The following FAM81A variants were observed in gnomAD, a reference collection of about 807,000 sequenced individuals.
FAM81A encodes the protein family with sequence similarity 81 member A.
FAM81A carries 19 observed loss-of-function variants against 46.7 expected under a neutral mutation model. The observed-to-expected ratio is 0.41, with a 90% CI of 0.28 to 0.60. FAM81A has a LOEUF of 0.60. Ranked by LOEUF, FAM81A falls within the 20% of genes least tolerant of loss-of-function variation. The probability of loss-of-function intolerance (pLI) is 0.34; values close to 1 mark genes in which losing one functional copy is unlikely to be tolerated. For synonymous variants in FAM81A, 183 were observed against 152.9 expected (o/e 1.20, Z -1.45); for missense variants, 377 against 453.5 (o/e 0.83, Z 1.53).
Position 59,492,332 on chromosome 15 carries a change from A to G in FAM81A, c.356A>G (p.Lys119Arg). 1 of 1,613,902 alleles carries G rather than the reference A, an allele frequency of 6.2e-7. No homozygotes were observed. Among genetic ancestry groups the G allele is most frequent in the Non-Finnish European group, 8.5e-7 (1 of 1,179,862 alleles). ...NISYGTNSAL[K>R]TLEMRQLSGL... ...AGCTATGGAACTAATTCTGCCTTAAAGACCCTGGAGATGCGCCAGCTCTCC... is the reference window on the plus strand; with the variant it reads ...AGCTATGGAACTAATTCTGCCTTAAGGACCCTGGAGATGCGCCAGCTCTCC... The change falls in exon 4 of 9, where the codon AAG (lysine) becomes AGG (arginine). Residue 119 changes from lysine (K) to arginine (R), a missense_variant. Transcript: ENST00000288228.
At chr15:59,467,982 A>ATTGTGTGT in intron 3 of FAM81A, among the ~76,000 whole-genome samples, 1 of 152,054 alleles carries the variant, frequency 6.6e-6, no homozygotes, top group Non-Finnish European at 1.5e-5. Flanking sequence ...GGGTTTTGTC[A>ATTGTGTGT]TTGGTTCTGT....
At position 59,460,234 on chromosome 15, in the gene FAM81A, A is replaced by G. The variant is rs569590279; in HGVS notation, c.294+28A>G. On this transcript the variant is annotated intron_variant, in intron 3 of 8. Coordinates refer to ENST00000288228, the MANE Select transcript of FAM81A (RefSeq NM_152450.3). The surrounding 1 kb of genome is among the most constrained non-coding windows in gnomAD (Gnocchi z 4.4). ...AAGGTTTGTGAAAGTCAGGTGGCCT[A>G]TGTCCCTTTCCACAGAATTGCTCCA... The G allele has an allele frequency of 3.7e-6, 6 of 1,613,918 alleles. No individual in the cohort carries two copies. The highest frequency in any genetic ancestry group is 3.3e-5 in the South Asian group (3 of 91,036).
At position 59,445,423 on chromosome 15, in the gene FAM81A, T is replaced by G. The variant is rs1348375856; in HGVS notation, c.-78+7141T>G. The G allele has an allele frequency of 2.0e-5, 3 of 152,190 alleles. No homozygotes were observed. In the East Asian group the frequency reaches 5.8e-4, roughly 29 times the overall value. The allele number at this position is 152,190 out of a possible 1,614,324, so 9.4% of individuals were successfully genotyped here. Reference sequence around the variant, plus strand: ...CCTGGTGGCTTCAGCTTGCTTTTTGTGTATTTCAGGTTTCTTTTTTCCCCC... The same window carrying G: ...CCTGGTGGCTTCAGCTTGCTTTTTGGGTATTTCAGGTTTCTTTTTTCCCCC... On this transcript the variant is annotated intron_variant, in intron 1 of 8. Coordinates refer to ENST00000288228, the MANE Select transcript of FAM81A (RefSeq NM_152450.3).
intron 2 of FAM81A, among the ~76,000 whole-genome samples, chr15:59,414,954 T>C (rs1366077356): frequency 6.6e-6 from 1 of 151,778 alleles, no homozygotes; most frequent in Non-Finnish European, 1.5e-5. Flanking sequence ...TAGCTGGGAC[T>C]ACAGGCGTCC....
chr15:59,492,352 C>T lies in FAM81A; in HGVS notation c.376C>T (p.Leu126Phe). 1.2e-6 allele frequency: 2 copies of T among 1,613,790 alleles called. No individual in the cohort carries two copies. The highest frequency in any genetic ancestry group is 2.2e-5 in the South Asian group (2 of 90,990). ...SALKTLEMRQLSGLGDLRGRV... is the reference protein window; with the variant it reads ...SALKTLEMRQFSGLGDLRGRV... ...CTTAAAGACCCTGGAGATGCGCCAG[C>T]TCTCCGGTTTGGGAGATCTTCGAGG... Residue 126 changes from leucine (L) to phenylalanine (F), a missense_variant, in exon 4 of 9, where the codon CTC (leucine) becomes TTC (phenylalanine). Coordinates refer to ENST00000288228, the MANE Select transcript of FAM81A (RefSeq NM_152450.3).
At chr15:59,402,089 C>G in intron 1 of FAM81A, 1 of 470,216 alleles carries the variant, frequency 2.1e-6, no homozygotes, top group Non-Finnish European at 3.8e-6. Context: ...CATGAGCTGA[C>G]GCCGTGCAGG....
intron 1 of FAM81A, among the ~76,000 whole-genome samples, chr15:59,445,749 A>G (rs1227257512): frequency 1.3e-5 from 2 of 152,190 alleles, no homozygotes; most frequent in Non-Finnish European, 2.9e-5. Context: ...TTCCCCTGCT[A>G]GTTTAGTAGG....
intron 3 of FAM81A, among the ~76,000 whole-genome samples, chr15:59,479,545 ATGGT>A: frequency 1.5e-5 from 2 of 129,370 alleles, no homozygotes; most frequent in African/African-American, 5.9e-5. Flanking sequence ...AAAAAAAAGG[ATGGT>A]AAGGGAATAA....
At chr15:59,502,569 A>G (rs1464110517) in intron 4 of FAM81A, among the ~76,000 whole-genome samples, 4 of 149,192 alleles carry the variant, frequency 2.7e-5, no homozygotes, top group Non-Finnish European at 5.9e-5. Flanking sequence ...GCTGGAGTGC[A>G]ATGGCGCGAT....
intron 1 of FAM81A, among the ~76,000 whole-genome samples, chr15:59,455,932 G>A (rs1372613749): frequency 2.0e-5 from 3 of 152,336 alleles, no homozygotes; most frequent in Admixed American, 6.5e-5. Flanking sequence ...TGATCTGGAA[G>A]TGCTGGGCAT....
At position 59,474,404 on chromosome 15, in the gene FAM81A, A is replaced by G. The variant is rs115121564; in HGVS notation, c.294+14198A>G. 9.2e-3 allele frequency among the ~76,000 whole-genome samples: 1,405 copies of G among 152,288 alleles called. 24 individuals carry two copies. The highest frequency in any genetic ancestry group is 0.032 in the African/African-American group (1,346 of 41,560). On this transcript the variant is annotated intron_variant, in intron 3 of 8. Coordinates refer to ENST00000288228, the MANE Select transcript of FAM81A (RefSeq NM_152450.3). ...CATCTGGTGAGGGTCTTCTTGCTGC[A>G]TGCTTACATGGCAGAAGGTGGAAGG...
At chr15:59,453,699 A>G (rs2081447031) in intron 1 of FAM81A, among the ~76,000 whole-genome samples, 1 of 152,128 alleles carries the variant, frequency 6.6e-6, no homozygotes, top group Non-Finnish European at 1.5e-5. Context: ...GAGAAAGGGC[A>G]AAGGAAAATG....
intron 2 of FAM81A, among the ~76,000 whole-genome samples, chr15:59,409,568 C>T (rs2081111621): frequency 6.6e-6 from 1 of 152,138 alleles, no homozygotes; most frequent in Non-Finnish European, 1.5e-5. Context: ...CCTCTCCTTT[C>T]CCCACAGATC....
chr15:59,456,024 G>A (rs770591574), intron 1 of FAM81A, among the ~76,000 whole-genome samples: 4 of 152,188 alleles, frequency 2.6e-5, no homozygotes, highest in Non-Finnish European at 5.9e-5. Flanking sequence ...CCTGTAAGGA[G>A]CGTGTCATTT....
chr15:59,471,033 T>C (rs1402699769), intron 3 of FAM81A, among the ~76,000 whole-genome samples: 6 of 152,196 alleles, frequency 3.9e-5, no homozygotes, highest in Non-Finnish European at 8.8e-5. Context: ...CAGGTTGGTC[T>C]TGAACTTCTG....
At chr15:59,512,471 CAAAAAAAA>C (rs766904849) in intron 6 of FAM81A, among the ~76,000 whole-genome samples, 2 of 13,668 alleles carry the variant, frequency 1.5e-4, no homozygotes, top group African/African-American at 3.5e-4. Flanking sequence ...AACTCCATCT[CAAAAAAAA>C]AAAAAAAAAA....
At chr15:59,450,329 C>T (rs1211229476) in intron 1 of FAM81A, among the ~76,000 whole-genome samples, 1 of 152,098 alleles carries the variant, frequency 6.6e-6, no homozygotes, top group Non-Finnish European at 1.5e-5. Context: ...ATTCCCCACT[C>T]CTCACTTTTT....
chr15:59,512,859 C>A (rs1184727848), intron 6 of FAM81A, among the ~76,000 whole-genome samples: 1 of 152,186 alleles, frequency 6.6e-6, no homozygotes, highest in African/African-American at 2.4e-5. Context: ...AAAGATAGGA[C>A]TGGAAAGGCG....
chr15:59,517,083 C>G (rs149738820), intron 8 of FAM81A, among the ~76,000 whole-genome samples: 1 of 152,128 alleles, frequency 6.6e-6, no homozygotes, highest in South Asian at 2.1e-4. Flanking sequence ...TAGCCTGCAA[C>G]TGAGGTACAT....
Sources: allele counts gnomAD v4.1 joint callset (sites outside exome capture counted in the v4.1 genomes callset), GRCh38; gene constraint gnomAD v4.1.1; non-coding constraint Gnocchi (gnomAD v3.1); transcripts MANE v1.5; gene names NCBI Gene and HGNC (gene_info 2026-07-23, HGNC 2026-07-21).